The following ACOT12 variants were observed in gnomAD, a reference collection of about 807,000 sequenced individuals.
ACOT12 encodes acetyl-coenzyme A thioesterase.
A neutral mutation model predicts 67.7 loss-of-function variants in ACOT12; 51 were observed. The ratio of observed to expected loss-of-function variants is 0.75; its 90% CI spans 0.60 to 0.95. The LOEUF is 0.95. Ranked by LOEUF, ACOT12 falls within the 40% of genes least tolerant of loss-of-function variation. The pLI, the probability that ACOT12 is intolerant of heterozygous loss-of-function variation, is 0.00. For synonymous variants in ACOT12, 251 were observed against 244.6 expected (o/e 1.03, Z -0.24); for missense variants, 734 against 708.1 (o/e 1.04, Z -0.41).
intron 12 of ACOT12, among the ~76,000 whole-genome samples, chr5:81,334,200 C>T (rs1758921200): frequency 6.6e-6 from 1 of 152,160 alleles, no homozygotes; most frequent in Non-Finnish European, 1.5e-5. Flanking sequence ...ACGCGTGAGC[C>T]GTTTTTTCCA....
the ACOT12 span, chr5:81,308,696 G>A: frequency 6.2e-7 from 1 of 1,609,584 alleles, no homozygotes; most frequent in Non-Finnish European, 8.5e-7. Flanking sequence ...TAAGGCTAAA[G>A]TAGACCCGGC....
At chr5:81,330,647 C>G (rs1461708478) in intron 14 of ACOT12, 104 bp from the exon 15 acceptor site, 11 of 1,487,334 alleles carry the variant, frequency 7.4e-6, no homozygotes, top group Non-Finnish European at 1.0e-5. Context: ...AGACCCTAAT[C>G]TTCTGGGGGA....
chr5:81,361,327 T>C (rs1319950892), intron 4 of ACOT12, among the ~76,000 whole-genome samples: 3 of 151,558 alleles, frequency 2.0e-5, no homozygotes, highest in Non-Finnish European at 4.4e-5. Context: ...ATCCTCTCAG[T>C]AGGATTGCAG....
intron 5 of ACOT12, among the ~76,000 whole-genome samples, chr5:81,357,641 C>T (rs7717804): frequency 0.2 from 30,613 of 151,912 alleles, 3,663 homozygotes; most frequent in African/African-American, 0.33. Flanking sequence ...GTGATTCAGA[C>T]GAGGGATGAC....
chr5:81,332,835 G>A (rs1351758509), intron 12 of ACOT12, among the ~76,000 whole-genome samples: 1 of 152,064 alleles, frequency 6.6e-6, no homozygotes, highest in African/African-American at 2.4e-5. Flanking sequence ...AGTCTGAGGT[G>A]GGAGGATCAC....
chr5:81,344,023 A>G, intron 9 of ACOT12, 137 bp downstream of exon 9: 1 of 1,221,130 alleles, frequency 8.2e-7, no homozygotes, highest in Non-Finnish European at 1.2e-6. Flanking sequence ...ATAAGTCAGT[A>G]GTCAGCCTTT....
the ACOT12 span, chr5:81,311,100 C>T: frequency 3.9e-5 from 42 of 1,078,218 alleles, no homozygotes; most frequent in Non-Finnish European, 5.6e-5. Flanking sequence ...GTCTAGCTAC[C>T]TTTACAACTG....
intron 1 of ACOT12, among the ~76,000 whole-genome samples, chr5:81,387,777 T>G (rs919582669): frequency 2.0e-5 from 3 of 152,134 alleles, no homozygotes; most frequent in African/African-American, 2.4e-5. Context: ...ACTCCTGGAC[T>G]CAAGTGATCC....
intron 5 of ACOT12, among the ~76,000 whole-genome samples, chr5:81,354,241 T>A (rs984978438): frequency 6.6e-6 from 1 of 152,242 alleles, no homozygotes; most frequent in East Asian, 1.9e-4. Context: ...GAACTAGACA[T>A]GTAGATGTAG....
Position 81,393,939 on chromosome 5 carries a change from TCCCGCAGCCCCGGTCCCGCGCCTC to T in ACOT12, c.127+25_127+48del, listed in dbSNP as rs746518906. 279 of 1,285,052 alleles carry T rather than the reference TCCCGCAGCCCCGGTCCCGCGCCTC, an allele frequency of 2.2e-4. 1 individual carries two copies. The highest frequency in any genetic ancestry group is 4.2e-4 in the South Asian group (17 of 40,540). The allele number at this position is 1,285,052 out of a possible 1,614,324, so 79.6% of individuals were successfully genotyped here. ...CCCCCCAGCCCCCAGCCGCCGCCGC[TCCCGCAGCCCCGGTCCCGCGCCTC>T]CCCGCAGCCCCGGCGCCCGCCTACC... On this transcript the variant is annotated intron_variant, in intron 1 of 14. Coordinates refer to ENST00000307624, the MANE Select transcript of ACOT12 (RefSeq NM_130767.3).
At chr5:81,335,945 C>T (rs769064260) in intron 11 of ACOT12, 44 bp from the exon 12 acceptor site, 11 of 1,573,130 alleles carry the variant, frequency 7.0e-6, no homozygotes, top group African/African-American at 2.7e-5. Context: ...AAAACTGATG[C>T]TTTTACTTTA....
the ACOT12 span, among the ~76,000 whole-genome samples, chr5:81,315,224 C>T: frequency 2.0e-5 from 3 of 152,108 alleles, no homozygotes; most frequent in Non-Finnish European, 4.4e-5. Flanking sequence ...AGTGAGTTTA[C>T]CTTTTTGTCT....
At chr5:81,385,963 T>G in intron 1 of ACOT12, 137 bp from the exon 2 acceptor site, 1 of 723,920 alleles carries the variant, frequency 1.4e-6, no homozygotes. Context: ...GTGCCTACAC[T>G]TTCTGGATCA....
chr5:81,363,642 T>C, intron 4 of ACOT12, 146 bp downstream of exon 4: 1 of 535,532 alleles, frequency 1.9e-6, no homozygotes, highest in Non-Finnish European at 3.2e-6. Flanking sequence ...GTGATAACTT[T>C]TGCAATAAAT....
At position 81,330,433 on chromosome 5, in the gene ACOT12, T is replaced by C. The variant is rs1475405035; in HGVS notation, c.1629A>G (p.Leu543=). 1 of 1,613,920 alleles carries C rather than the reference T, an allele frequency of 6.2e-7. No individual in the cohort carries two copies. The highest frequency in any genetic ancestry group is 1.3e-5 in the African/African-American group (1 of 74,928). The stretch of plus-strand genomic sequence containing the variant: ...CAAACCCATCATCAGGAGGATTCTC[T>C]AAGAACTGTATACAAGAGGCTGCTG... ...EETAASCIQF[L]ENPPDDGFVS... is the part of the protein sequence containing the mutation. The change falls in exon 15 of 15, where the codon TTA becomes TTG. Residue 543 remains leucine (L), a synonymous_variant. Transcript: ENST00000307624.
rs747023965 is a variant in ACOT12, at chr5:81,363,827, A to G, written c.321T>C (p.Ala107=). ...LTGIEKLVSV[A]FSTFVAKPVG... is the part of the protein sequence containing the mutation. ...CTGGTTTGGCTACAAATGTGGAGAAAGCCACACTAACAAGCTTCTCAATGC... is the reference window on the plus strand; with the variant it reads ...CTGGTTTGGCTACAAATGTGGAGAAGGCCACACTAACAAGCTTCTCAATGC... Residue 107 remains alanine, a synonymous_variant, in exon 4 of 15, where the codon GCT becomes GCC. Transcript: ENST00000307624. 6.2e-7 allele frequency: 1 copy of G among 1,612,508 alleles called. No individual in the cohort carries two copies. The highest frequency in any genetic ancestry group is 1.1e-5 in the South Asian group (1 of 90,908).
At chr5:81,383,272 G>A (rs867193106) in intron 2 of ACOT12, among the ~76,000 whole-genome samples, 8 of 152,080 alleles carry the variant, frequency 5.3e-5, no homozygotes, top group Non-Finnish European at 7.4e-5. Context: ...CCAGCTACTC[G>A]GGAGGCTGAG....
chr5:81,364,734 A>G (rs1028631676), intron 3 of ACOT12, among the ~76,000 whole-genome samples: 1 of 152,094 alleles, frequency 6.6e-6, no homozygotes, highest in African/African-American at 2.4e-5. Context: ...GCCTGTTCCA[A>G]TTTTTAAAAA....
chr5:81,326,812 T>TA (rs1218389802), downstream of ACOT12, among the ~76,000 whole-genome samples: 1 of 152,190 alleles, frequency 6.6e-6, no homozygotes, highest in Non-Finnish European at 1.5e-5. Flanking sequence ...TCAGAATTGG[T>TA]AGACAGATTA....
Sources: allele counts gnomAD v4.1 joint callset (sites outside exome capture counted in the v4.1 genomes callset), GRCh38; gene constraint gnomAD v4.1.1; transcripts MANE v1.5; gene names NCBI Gene and HGNC (gene_info 2026-07-23, HGNC 2026-07-21).